KAT6B: variants seen among roughly 807,000 people sequenced by gnomAD.
KAT6B encodes the protein histone acetyltransferase KAT6B.
In KAT6B, 10 loss-of-function variants were observed where a neutral mutation model predicts 187.5. The ratio of observed to expected loss-of-function variants is 0.05; its 90% CI spans 0.03 to 0.09. The LOEUF is 0.09. KAT6B is among the 10% of genes least tolerant of loss of function. KAT6B has a pLI of 1.00. For missense variants in KAT6B, 1,952 were observed against 2,558.9 expected (o/e 0.76, Z 5.12); for synonymous variants, 861 against 926.8 (o/e 0.93, Z 1.29).
intron 3 of KAT6B, among the ~76,000 whole-genome samples, chr10:74,923,119 T>C (rs1353660846): frequency 6.6e-6 from 1 of 152,208 alleles, no homozygotes; most frequent in Non-Finnish European, 1.5e-5. Flanking sequence ...GGGTGTGGGC[T>C]CAGGATAAGT....
Position 74,985,298 on chromosome 10 carries a change from C to G in KAT6B, c.2535+57C>G, listed in dbSNP as rs960118556. 13 of 1,544,326 alleles carry G rather than the reference C, an allele frequency of 8.4e-6. No homozygotes were observed. In the Admixed American group the frequency reaches 1.2e-4, roughly 14 times the overall value. The stretch of plus-strand genomic sequence containing the variant: ...CTTTTTCAAAATGTTTTTGGTAGAG[C>G]CCAATTCTTTGAACAGGGCTTTTTC... On this transcript the variant is annotated intron_variant, in intron 12 of 17. Coordinates refer to ENST00000287239, the MANE Select transcript of KAT6B (RefSeq NM_012330.4).
chr10:74,956,405 A>C (rs1384776602), intron 3 of KAT6B, among the ~76,000 whole-genome samples: 1 of 152,182 alleles, frequency 6.6e-6, no homozygotes. Flanking sequence ...ATGGTAATTA[A>C]TACATAATCC....
At position 74,930,343 on chromosome 10, in the gene KAT6B, G is replaced by A. The variant is rs557946704; in HGVS notation, c.622-29627G>A. On this transcript the variant is annotated intron_variant, in intron 3 of 17. Transcript: ENST00000287239. The stretch of plus-strand genomic sequence containing the variant: ...AATGAAGACAACGTATTAAAGTTGG[G>A]TGTACCCAATGCAAATATCTGTTTA... Among the ~76,000 whole-genome samples, 4 of 152,292 alleles carry A rather than the reference G, an allele frequency of 2.6e-5. 1 individual carries two copies. Among genetic ancestry groups the A allele is most frequent in the South Asian group, 4.1e-4 (2 of 4,826 alleles).
chr10:75,017,435 G>A (rs1845060119), intron 13 of KAT6B, among the ~76,000 whole-genome samples: 1 of 152,132 alleles, frequency 6.6e-6, no homozygotes, highest in African/African-American at 2.4e-5. Context: ...GCAAAATGGT[G>A]AAACCCTGTC....
At chr10:74,963,277 T>C (rs903213135) in intron 4 of KAT6B, among the ~76,000 whole-genome samples, 2 of 152,234 alleles carry the variant, frequency 1.3e-5, no homozygotes, top group Non-Finnish European at 2.9e-5. Flanking sequence ...AAATTATCTT[T>C]AATTAGCTTC....
At chr10:74,993,112 A>G (rs965401156) in intron 13 of KAT6B, among the ~76,000 whole-genome samples, 7 of 152,130 alleles carry the variant, frequency 4.6e-5, no homozygotes, top group African/African-American at 1.7e-4. Flanking sequence ...AAACATTTGC[A>G]GTTCCTACTT....
rs754556159 is a variant in KAT6B, at chr10:75,030,203, C to G, written c.5379C>G (p.Gly1793=). 1 of 1,614,238 alleles carries G rather than the reference C, an allele frequency of 6.2e-7. No homozygotes were observed. The highest frequency in any genetic ancestry group is 8.5e-7 in the Non-Finnish European group (1 of 1,180,044). Residue 1793 remains glycine, a synonymous_variant, in exon 18 of 18, where the codon GGC becomes GGG. Coordinates refer to ENST00000287239, the MANE Select transcript of KAT6B (RefSeq NM_012330.4). This position sits in a 1 kb window ranked among gnomAD's most constrained non-coding sequence, Gnocchi z 4.8. ...EIPETSNANI[G]LYERMGQSDF... is the part of the protein sequence containing the mutation. ...CCGAGACGAGCAACGCCAACATTGG[C>G]TTATACGAGCGAATGGGTCAGAGTG...
intron 16 of KAT6B, among the ~76,000 whole-genome samples, chr10:75,024,725 C>T (rs897245284): frequency 6.6e-6 from 1 of 152,222 alleles, no homozygotes; most frequent in Admixed American, 6.5e-5. Flanking sequence ...AGGATGTTCC[C>T]TCTCAGAGCA....
intron 3 of KAT6B, among the ~76,000 whole-genome samples, chr10:74,909,122 C>G (rs1046166080): frequency 6.6e-6 from 1 of 152,140 alleles, no homozygotes; most frequent in Non-Finnish European, 1.5e-5. Flanking sequence ...ACCTGTAATC[C>G]CAGCACGAGA....
In KAT6B at chr10:74,975,854, G is replaced by A. The variant is rs1371883667; in HGVS notation, c.1517G>A (p.Ser506Asn). 2 of 1,613,890 alleles carry A rather than the reference G, an allele frequency of 1.2e-6. No homozygotes were observed. The highest frequency in any genetic ancestry group is 1.3e-5 in the African/African-American group (1 of 74,866). The change falls in exon 8 of 18, where the codon AGT becomes AAT. Residue 506 changes from serine to asparagine, a missense_variant. This residue lies in a region of KAT6B where 417 missense variants were observed against 508.9 expected (regional missense o/e 0.82). Coordinates refer to ENST00000287239, the MANE Select transcript of KAT6B (RefSeq NM_012330.4). The stretch of plus-strand genomic sequence containing the variant: ...ACCCCCATCTCCGGTCAGAGCCCCA[G>A]TTCACAAAAGTCCAGCACGGCCACT... ...PPTPISGQSPSSQKSSTATSS... is the reference protein window; with the variant it reads ...PPTPISGQSPNSQKSSTATSS...
At chr10:74,827,568 G>A (rs970456523) in intron 1 of KAT6B, among the ~76,000 whole-genome samples, 1 of 152,120 alleles carries the variant, frequency 6.6e-6, no homozygotes, top group African/African-American at 2.4e-5. Flanking sequence ...GTTTCTGAAA[G>A]ATGATGCTAA....
intron 3 of KAT6B, among the ~76,000 whole-genome samples, chr10:74,914,123 T>A (rs2132959337): frequency 6.6e-6 from 1 of 151,898 alleles, no homozygotes; most frequent in Non-Finnish European, 1.5e-5. Context: ...GAGGCAGACA[T>A]TGCAGTGGGC....
intron 7 of KAT6B, among the ~76,000 whole-genome samples, chr10:74,973,401 T>C (rs772881461): frequency 1.3e-5 from 2 of 152,162 alleles, no homozygotes; most frequent in Non-Finnish European, 2.9e-5. Flanking sequence ...CATTAAGGTG[T>C]TTACGAATGG....
rs1278843955 is a variant in KAT6B, at chr10:75,030,793, A to G, written c.5969A>G (p.Asn1990Ser). 1.2e-6 allele frequency: 2 copies of G among 1,614,078 alleles called. No homozygotes were observed. Among genetic ancestry groups the G allele is most frequent in the Admixed American group, 1.7e-5 (1 of 60,004 alleles). ...NSVNMNMNTL[N>S]AMNGYSMSQP... ...GTGAACATGAACATGAACACTCTCA[A>G]CGCCATGAATGGGTACAGCATGTCC... The change falls in exon 18 of 18, where the codon AAC (asparagine) becomes AGC (serine). Residue 1990 changes from asparagine to serine, a missense_variant. By Grantham distance (46) the Asn-to-Ser change is conservative. Coordinates refer to ENST00000287239, the MANE Select transcript of KAT6B (RefSeq NM_012330.4). The surrounding 1 kb of genome is among the most constrained non-coding windows in gnomAD (Gnocchi z 4.8).
At position 75,021,104 on chromosome 10, in the gene KAT6B, G is replaced by T. The variant is rs780691860; in HGVS notation, c.2862-22G>T. On this transcript the variant is annotated intron_variant, in intron 14 of 17. Transcript: ENST00000287239. The stretch of plus-strand genomic sequence containing the variant: ...AAATTTCAGCTTGTGATTACATCTT[G>T]TTCTGCCTTATCACATTACAGATTT... 1.9e-6 allele frequency: 3 copies of T among 1,610,958 alleles called. No individual in the cohort carries two copies. In the African/African-American group the frequency reaches 4.0e-5, roughly 22 times the overall value.
intron 13 of KAT6B, among the ~76,000 whole-genome samples, chr10:75,001,012 C>G (rs540598766): frequency 1.3e-5 from 2 of 152,170 alleles, no homozygotes; most frequent in South Asian, 4.2e-4. Flanking sequence ...TTGCAGCGTC[C>G]TTCTACATGT....
At chr10:74,830,215 C>A (rs1360643483) in intron 1 of KAT6B, among the ~76,000 whole-genome samples, 1 of 152,016 alleles carries the variant, frequency 6.6e-6, no homozygotes, top group African/African-American at 2.4e-5. Flanking sequence ...CTCCCATGAT[C>A]TTCTGATACC....
At position 74,865,188 on chromosome 10, in the gene KAT6B, G is replaced by C. The variant is rs553385850; in HGVS notation, c.621+21710G>C. On this transcript the variant is annotated intron_variant, in intron 3 of 17. Coordinates refer to ENST00000287239, the MANE Select transcript of KAT6B (RefSeq NM_012330.4). ...CCTATTCAATAACAAAAATGAGCTA[G>C]TTATTTTGAACATGTATCAGCTTTG... is the stretch of plus-strand genomic sequence containing the variant. 5.5e-4 allele frequency among the ~76,000 whole-genome samples: 83 copies of C among 152,162 alleles called. 1 individual carries two copies. The highest frequency in any genetic ancestry group is 1.2e-4 in the Non-Finnish European group (8 of 68,030).
chr10:74,970,353 G>A (rs183445093), intron 6 of KAT6B, among the ~76,000 whole-genome samples: 204 of 151,928 alleles, frequency 1.3e-3, no homozygotes, highest in Non-Finnish European at 2.2e-3. Context: ...GGGATGAAAA[G>A]ACCATCTCTC....
Sources: allele counts gnomAD v4.1 joint callset (sites outside exome capture counted in the v4.1 genomes callset), GRCh38; gene constraint gnomAD v4.1.1; regional missense constraint gnomAD v4.1.1; non-coding constraint Gnocchi (gnomAD v3.1); transcripts MANE v1.5; gene names NCBI Gene and HGNC (gene_info 2026-07-23, HGNC 2026-07-21).